NAA16: variants seen among roughly 807,000 people sequenced by gnomAD.
NAA16 encodes the protein NARG1-like protein.
In NAA16, 97 loss-of-function variants were observed where a neutral mutation model predicts 110.3. The ratio of observed to expected loss-of-function variants is 0.88; its 90% CI spans 0.75 to 1.04. NAA16 has a LOEUF of 1.04. Ranked by LOEUF, NAA16 falls within the 50% of genes least tolerant of loss-of-function variation. NAA16 has a pLI of 0.00. For synonymous variants in NAA16, 372 were observed against 330.6 expected (o/e 1.13, Z -1.36); for missense variants, 1,017 against 1,005.1 (o/e 1.01, Z -0.16).
At chr13:41,373,132 C>T in intron 17 of NAA16, 1 of 946,124 alleles carries the variant, frequency 1.1e-6, no homozygotes, top group Non-Finnish European at 1.3e-6. Flanking sequence ...TAAAATAAAC[C>T]TGTTAGCCAA....
At position 41,332,282 on chromosome 13, in the gene NAA16, T is replaced by C. The variant is rs563362056; in HGVS notation, c.907+913T>C. On this transcript the variant is annotated intron_variant, in intron 8 of 19. Coordinates refer to ENST00000379406, the MANE Select transcript of NAA16 (RefSeq NM_024561.5). ...TCATCATTCCCTCAGAGTTAACCAC[T>C]TTCCCGAGTTTTGCTTTTTCTTTTG... 1.2e-4 allele frequency among the ~76,000 whole-genome samples: 18 copies of C among 152,354 alleles called. 1 individual carries two copies. The South Asian group carries it at 3.5e-3, about 30-fold the overall frequency.
At chr13:41,370,726 A>G (rs936202305) in intron 15 of NAA16, among the ~76,000 whole-genome samples, 7 of 152,162 alleles carry the variant, frequency 4.6e-5, no homozygotes, top group East Asian at 1.9e-4. Context: ...TTCAACTCCA[A>G]AAGTGTAGAA....
intron 8 of NAA16, 43 bp from the exon 9 acceptor site, chr13:41,336,607 T>C (rs2042387539): frequency 1.7e-6 from 2 of 1,181,918 alleles, no homozygotes; most frequent in Non-Finnish European, 2.4e-6. Context: ...TTAAGAATTG[T>C]TTGCGTGAAC....
At chr13:41,372,696 A>G (rs554384696) in intron 16 of NAA16, 36 bp from the exon 17 acceptor site, 38 of 1,563,976 alleles carry the variant, frequency 2.4e-5, no homozygotes, top group East Asian at 1.8e-4. Flanking sequence ...CTGTGTAAGT[A>G]TTAATGCTAT....
intron 13 of NAA16, among the ~76,000 whole-genome samples, chr13:41,364,003 A>G (rs1354540512): frequency 6.6e-6 from 1 of 152,138 alleles, no homozygotes; most frequent in African/African-American, 2.4e-5. Context: ...TGATGGAATG[A>G]TTAATGCTTC....
chr13:41,327,782 C>T (rs1033030769), intron 6 of NAA16: 2 of 148,046 alleles, frequency 1.4e-5, no homozygotes, highest in Admixed American at 6.6e-5. Flanking sequence ...CATTTTGTGA[C>T]AGGCAGTGTG....
At chr13:41,311,614 CGGTCCCCG>C (rs1301290287) in intron 1 of NAA16, 32 bp downstream of exon 1, 2 of 1,590,846 alleles carry the variant, frequency 1.3e-6, no homozygotes, top group Non-Finnish European at 1.7e-6. Context: ...TGCCGCCCCC[CGGTCCCCG>C]GGTCCTCGGG....
chr13:41,321,261 C>T (rs1453732816), intron 4 of NAA16, among the ~76,000 whole-genome samples: 1 of 152,142 alleles, frequency 6.6e-6, no homozygotes, highest in African/African-American at 2.4e-5. Context: ...TATGCTACTG[C>T]ACTCCAGCCT....
At chr13:41,333,422 C>G (rs183846133) in intron 8 of NAA16, among the ~76,000 whole-genome samples, 39 of 152,186 alleles carry the variant, frequency 2.6e-4, no homozygotes, top group African/African-American at 9.1e-4. Context: ...TATTTCACTC[C>G]CTGTCACCCC....
intron 7 of NAA16, among the ~76,000 whole-genome samples, chr13:41,330,987 G>A (rs993813375): frequency 6.6e-6 from 1 of 151,984 alleles, no homozygotes; most frequent in Admixed American, 6.6e-5. Context: ...GAGAAGTGCA[G>A]CATATCTTGA....
At chr13:41,334,212 GT>G (rs1387469299) in intron 8 of NAA16, among the ~76,000 whole-genome samples, 1 of 152,114 alleles carries the variant, frequency 6.6e-6, no homozygotes, top group Non-Finnish European at 1.5e-5. Flanking sequence ...CAAGGTGAAA[GT>G]TTTGAAAAAG....
chr13:41,334,614 G>T (rs927095211), intron 8 of NAA16, among the ~76,000 whole-genome samples: 1 of 152,090 alleles, frequency 6.6e-6, no homozygotes, highest in Non-Finnish European at 1.5e-5. Context: ...TACTAAACAG[G>T]CACATAATAA....
chr13:41,341,267 A>G (rs9590589), intron 9 of NAA16, among the ~76,000 whole-genome samples: 13,116 of 152,210 alleles, frequency 0.086, 654 homozygotes, highest in East Asian at 0.2. Flanking sequence ...CTGAAATAGT[A>G]TCATTTTTAC....
chr13:41,352,811 TTCTGAA>T, intron 9 of NAA16, among the ~76,000 whole-genome samples: 1 of 152,326 alleles, frequency 6.6e-6, no homozygotes, highest in East Asian at 1.9e-4. Context: ...TGTTTTGAAG[TTCTGAA>T]TCTGGAGATC....
intron 9 of NAA16, among the ~76,000 whole-genome samples, chr13:41,342,046 A>G (rs1276701285): frequency 6.7e-6 from 1 of 149,014 alleles, no homozygotes; most frequent in Non-Finnish European, 1.5e-5. Context: ...GTTCGCCAGG[A>G]TGGTCTCGAT....
chr13:41,322,704 A>T (rs944438789), intron 4 of NAA16, among the ~76,000 whole-genome samples: 8 of 152,172 alleles, frequency 5.3e-5, no homozygotes, highest in African/African-American at 1.9e-4. Context: ...TAATTCATAT[A>T]ATAGTTTTAT....
chr13:41,357,150 G>C (rs1268947942), intron 10 of NAA16, among the ~76,000 whole-genome samples: 1 of 152,184 alleles, frequency 6.6e-6, no homozygotes, highest in African/African-American at 2.4e-5. Context: ...GTGAGACCCT[G>C]TCCCTACAAA....
intron 10 of NAA16, among the ~76,000 whole-genome samples, chr13:41,357,323 C>T (rs1566288632): frequency 6.6e-6 from 1 of 152,160 alleles, no homozygotes; most frequent in Non-Finnish European, 1.5e-5. Flanking sequence ...AAAAATTCCT[C>T]ATTGGCCTCT....
At chr13:41,357,184 G>A (rs973946732) in intron 10 of NAA16, among the ~76,000 whole-genome samples, 6 of 152,114 alleles carry the variant, frequency 3.9e-5, no homozygotes, top group East Asian at 1.9e-4. Flanking sequence ...AGCCACGTTC[G>A]GTGGTTCTCA....
Sources: gnomAD v4.1 joint callset for allele counts (sites outside exome capture counted in the v4.1 genomes callset) on GRCh38, gnomAD v4.1.1 for gene constraint, MANE v1.5 for transcripts, NCBI Gene and HGNC (gene_info 2026-07-23, HGNC 2026-07-21) for gene names.